The following GAD2 variants were observed in gnomAD, a reference collection of about 807,000 sequenced individuals.
GAD2 encodes 65 kDa glutamic acid decarboxylase.
GAD2 carries 22 observed loss-of-function variants against 80.1 expected under a neutral mutation model. The ratio of observed to expected loss-of-function variants is 0.27; its 90% CI spans 0.20 to 0.39. GAD2 has a LOEUF of 0.39. Ranked by LOEUF, GAD2 falls within the 10% of genes least tolerant of loss-of-function variation. The pLI is 1.00. For missense variants in GAD2, 624 were observed against 738.4 expected (o/e 0.85, Z 1.80); for synonymous variants, 274 against 256.9 (o/e 1.07, Z -0.64).
chr10:26,286,910 G>T (rs750944996), intron 13 of GAD2, among the ~76,000 whole-genome samples: 18 of 152,150 alleles, frequency 1.2e-4, no homozygotes, highest in Non-Finnish European at 2.1e-4. Context: ...CACCATGATA[G>T]CTTATTTTTT....
At chr10:26,276,682 C>T (rs915713106) in intron 11 of GAD2, among the ~76,000 whole-genome samples, 4 of 152,218 alleles carry the variant, frequency 2.6e-5, no homozygotes, top group South Asian at 2.1e-4. Flanking sequence ...GCCACCGCGC[C>T]GGCTTCTGTG....
At chr10:26,243,927 G>C (rs897196108) in intron 7 of GAD2, among the ~76,000 whole-genome samples, 2 of 151,956 alleles carry the variant, frequency 1.3e-5, no homozygotes, top group Admixed American at 1.3e-4. Flanking sequence ...GTTAAGCCTT[G>C]TATGTAAAAT....
chr10:26,234,185 A>G (rs1466178602), intron 7 of GAD2, among the ~76,000 whole-genome samples: 1 of 151,768 alleles, frequency 6.6e-6, no homozygotes, highest in Non-Finnish European at 1.5e-5. Context: ...TTAGCCAGGT[A>G]TGTTGGTTGG....
chr10:26,223,290 C>T (rs1199406234), intron 4 of GAD2, among the ~76,000 whole-genome samples: 1 of 152,196 alleles, frequency 6.6e-6, no homozygotes, highest in South Asian at 2.1e-4. Flanking sequence ...CATCTTTAGA[C>T]AATCATCACC....
At chr10:26,252,082 C>T (rs759343584) in intron 8 of GAD2, among the ~76,000 whole-genome samples, 6 of 152,188 alleles carry the variant, frequency 3.9e-5, no homozygotes, top group Admixed American at 1.3e-4. Context: ...GCTTGTTTCC[C>T]GTAATGCGCT....
chr10:26,272,869 AC>A (rs1845152141), intron 10 of GAD2, among the ~76,000 whole-genome samples: 1 of 152,250 alleles, frequency 6.6e-6, no homozygotes, highest in Non-Finnish European at 1.5e-5. Flanking sequence ...TGTCTCAGAA[AC>A]AAAACAAAAC....
chr10:26,255,180 C>T (rs1844928417), intron 8 of GAD2, among the ~76,000 whole-genome samples: 1 of 152,124 alleles, frequency 6.6e-6, no homozygotes, highest in African/African-American at 2.4e-5. Context: ...GGAGGAGCAG[C>T]CAGAGTTGTC....
chr10:26,280,447 G>T (rs887818168), intron 11 of GAD2, among the ~76,000 whole-genome samples: 2 of 152,144 alleles, frequency 1.3e-5, no homozygotes, highest in African/African-American at 4.8e-5. Context: ...AGGACAACTC[G>T]AACTGGGGAG....
In GAD2 at chr10:26,249,975, A is replaced by T. The variant is rs544336284; in HGVS notation, c.920+3975A>T. Among the ~76,000 whole-genome samples, 4 of 152,048 alleles carry T rather than the reference A, an allele frequency of 2.6e-5. No individual in the cohort carries two copies. The East Asian group carries it at 7.8e-4, about 30-fold the overall frequency. On this transcript the variant is annotated intron_variant, in intron 8 of 15. Transcript: ENST00000376261. Reference sequence around the variant, plus strand: ...TGGAGAGCCGGCGGGACCTACGATCAGTGACTGGCCAGGGGGCCTCAAATG... The same window carrying T: ...TGGAGAGCCGGCGGGACCTACGATCTGTGACTGGCCAGGGGGCCTCAAATG...
At chr10:26,281,606 G>A (rs1342358505) in intron 12 of GAD2, among the ~76,000 whole-genome samples, 1 of 152,086 alleles carries the variant, frequency 6.6e-6, no homozygotes, top group Non-Finnish European at 1.5e-5. Context: ...AATATTTAAA[G>A]CCATGTTCAA....
At chr10:26,224,735 G>A (rs1844499917) in intron 6 of GAD2, 84 bp downstream of exon 6, 1 of 962,766 alleles carries the variant, frequency 1.0e-6, no homozygotes, top group Non-Finnish European at 1.6e-6. Flanking sequence ...TAAAAATCTA[G>A]CCTATGCCTC....
intron 12 of GAD2, among the ~76,000 whole-genome samples, chr10:26,281,792 G>A (rs8190754): frequency 1.3e-5 from 2 of 151,910 alleles, no homozygotes; most frequent in Admixed American, 6.6e-5. Flanking sequence ...CTTCCGTGAC[G>A]CCAGGCCGGA....
intron 6 of GAD2, among the ~76,000 whole-genome samples, 185 bp from the exon 7 acceptor site, chr10:26,229,477 C>G (rs919493215): frequency 2.0e-5 from 3 of 152,154 alleles, no homozygotes; most frequent in Admixed American, 6.5e-5. Context: ...ACAGTGGCAC[C>G]TGTCCTGTCC....
At chr10:26,258,024 A>T (rs901798234) in intron 8 of GAD2, among the ~76,000 whole-genome samples, 1 of 152,180 alleles carries the variant, frequency 6.6e-6, no homozygotes, top group Non-Finnish European at 1.5e-5. Context: ...GAACTCAGGG[A>T]TGCTAGTCCT....
chr10:26,248,057 G>T (rs564548791), intron 8 of GAD2, among the ~76,000 whole-genome samples: 4 of 152,264 alleles, frequency 2.6e-5, no homozygotes, highest in Non-Finnish European at 5.9e-5. Flanking sequence ...ACATTTATTT[G>T]CAGGGCACCA....
intron 4 of GAD2, among the ~76,000 whole-genome samples, chr10:26,221,403 C>T (rs1455708586): frequency 6.6e-6 from 1 of 152,238 alleles, no homozygotes; most frequent in African/African-American, 2.4e-5. Flanking sequence ...TGTTGGAACA[C>T]GGAAAACTGA....
chr10:26,222,679 G>A lies in GAD2; in HGVS notation c.521-1208G>A, dbSNP rs575686518. 4.6e-5 allele frequency among the ~76,000 whole-genome samples: 7 copies of A among 152,282 alleles called. No homozygotes were observed. The South Asian group carries it at 6.2e-4, about 14-fold the overall frequency. On this transcript the variant is annotated intron_variant, in intron 4 of 15. Transcript: ENST00000376261. ...CAATAGATACACAAGTCCTGATCCC[G>A]CTAAAATGGGCTCCCTCCCAGCTTA... is the stretch of plus-strand genomic sequence containing the variant.
chr10:26,267,855 GAAGT>G (rs1279916524), intron 8 of GAD2, among the ~76,000 whole-genome samples: 2 of 151,666 alleles, frequency 1.3e-5, no homozygotes, highest in African/African-American at 4.8e-5. Context: ...AAATGTGATA[GAAGT>G]AATTTGTAAT....
chr10:26,244,572 C>T (rs1844782262), intron 7 of GAD2, among the ~76,000 whole-genome samples: 1 of 152,162 alleles, frequency 6.6e-6, no homozygotes, highest in African/African-American at 2.4e-5. Flanking sequence ...GAAATTCTCA[C>T]ACATGCTACA....
Sources: allele counts gnomAD v4.1 joint callset (sites outside exome capture counted in the v4.1 genomes callset), GRCh38; gene constraint gnomAD v4.1.1; transcripts MANE v1.5; gene names NCBI Gene and HGNC (gene_info 2026-07-23, HGNC 2026-07-21).